The following CPEB1 variants were observed in gnomAD, a reference collection of about 807,000 sequenced individuals.
CPEB1 encodes cytoplasmic polyadenylation element-binding protein 1.
Under a neutral mutation model 65.8 loss-of-function variants are expected in CPEB1, and 7 were observed. That is an observed-to-expected ratio of 0.11 (90% CI 0.06 to 0.20). The LOEUF (loss-of-function observed/expected upper bound fraction) is 0.20, where lower values mean the gene tolerates loss of function less well. Ranked by LOEUF, CPEB1 falls within the 10% of genes least tolerant of loss-of-function variation. CPEB1 has a pLI of 1.00. For synonymous variants in CPEB1, 262 were observed against 260.0 expected, an observed-to-expected ratio of 1.01 and a Z score of -0.08; for missense variants, 551 against 712.2, an observed-to-expected ratio of 0.77 and a Z score of 2.58.
rs185029877 is a variant in CPEB1 at position 82,645,302 on chromosome 15, A to C, written c.-98+1835T>G. ...CAAGTAGCTTCGATTATAGGCGCCC[A>C]CCACCATGCCCGGCTAATTTTTGTA... is the stretch of plus-strand genomic sequence containing the variant. On this transcript the variant is annotated intron_variant, in intron 1 of 12. Transcript: ENST00000684509. Among the ~76,000 whole-genome samples the C allele has an allele frequency of 8.5e-5, 13 of 152,122 alleles. No homozygotes were observed. In the South Asian group the frequency reaches 1.0e-3, roughly 12 times the overall value.
rs193232085 is a variant in CPEB1 at position 82,630,117 on chromosome 15, G to T, written c.-97-1561C>A. 1.5e-5 allele frequency: 15 copies of T among 985,360 alleles called. No individual in the cohort carries two copies. In the East Asian group the frequency reaches 1.6e-3, roughly 104 times the overall value. 61.0% of individuals were successfully genotyped at this position (985,360 alleles called of 1,614,324 possible). ...GCTAAGATGCAAAGATTTATAACCTGCAGAGAGGAGGTCTCGCTGTGTTGC... is the reference window on the plus strand; with the variant it reads ...GCTAAGATGCAAAGATTTATAACCTTCAGAGAGGAGGTCTCGCTGTGTTGC... On this transcript the variant is annotated intron_variant, in intron 1 of 12. Transcript: ENST00000684509.
chr15:82,596,379 T>G (rs1248969241), intron 3 of CPEB1, among the ~76,000 whole-genome samples: 1 of 152,096 alleles, frequency 6.6e-6, no homozygotes, highest in Non-Finnish European at 1.5e-5. Flanking sequence ...AAAGCCCAAT[T>G]TGGAAAACAT....
intron 1 of CPEB1, among the ~76,000 whole-genome samples, chr15:82,631,870 G>GT (rs1179109229): frequency 2.7e-5 from 4 of 149,296 alleles, no homozygotes; most frequent in African/African-American, 9.9e-5. Context: ...ACCAAGAAGT[G>GT]TTTCAGATTT....
Position 82,637,391 on chromosome 15 carries a change from G to A in CPEB1, c.-97-8835C>T, listed in dbSNP as rs116734537. The stretch of plus-strand genomic sequence containing the variant: ...GTCCATTTTTTCTCATACCCACAGG[G>A]CCTCTTGGTTATACCTGCCACAGCT... On this transcript the variant is annotated intron_variant, in intron 1 of 12. Coordinates refer to ENST00000684509, the MANE Select transcript of CPEB1 (RefSeq NM_001365242.1). 6.6e-3 allele frequency among the ~76,000 whole-genome samples: 1,003 copies of A among 152,140 alleles called. 9 individuals carry two copies. Among genetic ancestry groups the A allele is most frequent in the African/African-American group, 0.023 (935 of 41,498 alleles).
intron 4 of CPEB1, among the ~76,000 whole-genome samples, chr15:82,561,442 G>A (rs1204644579): frequency 1.3e-5 from 2 of 152,214 alleles, no homozygotes; most frequent in Non-Finnish European, 2.9e-5. Flanking sequence ...AGAGAGCTCT[G>A]AGAGTTGTCA....
chr15:82,544,741 G>T, intron 12 of CPEB1, 39 bp from the exon 13 acceptor site: 1 of 1,471,486 alleles, frequency 6.8e-7, no homozygotes, highest in Non-Finnish European at 9.5e-7. Context: ...CCATGCCTGT[G>T]TCAGCACCAG....
chr15:82,610,329 G>A (rs1028556200), intron 3 of CPEB1, among the ~76,000 whole-genome samples: 4 of 152,110 alleles, frequency 2.6e-5, no homozygotes, highest in African/African-American at 4.8e-5. Flanking sequence ...CCAAAAAGCA[G>A]ACGAGGAGGG....
chr15:82,558,007 A>C, intron 4 of CPEB1, 21 bp from the exon 5 acceptor site: 1 of 1,493,422 alleles, frequency 6.7e-7, no homozygotes, highest in Middle Eastern at 1.8e-4. Flanking sequence ...AAAAAAGGAA[A>C]CCTCATGACC....
upstream of CPEB1, chr15:82,648,290 T>G: frequency 5.9e-6 from 1 of 169,302 alleles, no homozygotes. Context: ...AGGGCACGAT[T>G]TACAAGCCCC....
At chr15:82,570,372 T>C (rs1253954309) in intron 4 of CPEB1, among the ~76,000 whole-genome samples, 2 of 151,724 alleles carry the variant, frequency 1.3e-5, no homozygotes, top group Non-Finnish European at 2.9e-5. Context: ...CGAATGGCTG[T>C]ACCACCCCCT....
At chr15:82,592,314 A>AGTTAACCCACTG (rs1340009994) in intron 3 of CPEB1, among the ~76,000 whole-genome samples, 1 of 151,996 alleles carries the variant, frequency 6.6e-6, no homozygotes, top group African/African-American at 2.4e-5. Context: ...TAGGCCAGGC[A>AGTTAACCCACTG]TGGTGGCTCA....
chr15:82,549,376 C>T, intron 10 of CPEB1, 84 bp downstream of exon 10: 1 of 1,435,886 alleles, frequency 7.0e-7, no homozygotes, highest in Middle Eastern at 1.8e-4. Context: ...AGGCCTCTCT[C>T]CTCACTCCCA....
chr15:82,552,995 G>C (rs1316955908), intron 8 of CPEB1, among the ~76,000 whole-genome samples: 1 of 152,196 alleles, frequency 6.6e-6, no homozygotes, highest in East Asian at 1.9e-4. Context: ...AGATGGGGCA[G>C]GGTGAAAATA....
At chr15:82,571,124 A>G (rs949152789) in intron 4 of CPEB1, among the ~76,000 whole-genome samples, 1 of 152,172 alleles carries the variant, frequency 6.6e-6, no homozygotes, top group Non-Finnish European at 1.5e-5. Flanking sequence ...CAGGGAATTT[A>G]TCAGGGTAAG....
chr15:82,609,514 T>C (rs558216474), intron 3 of CPEB1, among the ~76,000 whole-genome samples: 9 of 146,364 alleles, frequency 6.1e-5, no homozygotes, highest in Non-Finnish European at 1.4e-4. Context: ...AAAAAAAAAA[T>C]AATAACAATA....
At chr15:82,599,242 C>T (rs1327476956) in intron 3 of CPEB1, among the ~76,000 whole-genome samples, 1 of 152,178 alleles carries the variant, frequency 6.6e-6, no homozygotes. Flanking sequence ...CTCCTCACTA[C>T]TACTCAACTG....
chr15:82,559,859 A>G (rs1390738648), intron 4 of CPEB1, among the ~76,000 whole-genome samples: 1 of 152,092 alleles, frequency 6.6e-6, no homozygotes. Flanking sequence ...TGAGACAGGT[A>G]GATCACCTGA....
intron 1 of CPEB1, among the ~76,000 whole-genome samples, chr15:82,636,409 G>C (rs923468233): frequency 4.6e-5 from 7 of 152,098 alleles, no homozygotes; most frequent in Non-Finnish European, 1.0e-4. Context: ...CTCAAGTCAG[G>C]AATCACTTTC....
chr15:82,615,140 C>T (rs2044590952), intron 3 of CPEB1, among the ~76,000 whole-genome samples: 1 of 152,158 alleles, frequency 6.6e-6, no homozygotes, highest in South Asian at 2.1e-4. Context: ...GTTCTCAGGT[C>T]ATCTGCATTC....
Sources: allele counts gnomAD v4.1 joint callset (sites outside exome capture counted in the v4.1 genomes callset), GRCh38; gene constraint gnomAD v4.1.1; transcripts MANE v1.5; gene names NCBI Gene and HGNC (gene_info 2026-07-23, HGNC 2026-07-21).